Variants in FBXO34 observed in about 807,000 individuals in gnomAD.
FBXO34 encodes F-box protein 34, also known as F-box only protein 34.
In FBXO34, 12 loss-of-function variants were observed where a neutral mutation model predicts 24.5. The ratio of observed to expected loss-of-function variants is 0.49; its 90% CI spans 0.31 to 0.79. The LOEUF is 0.79. FBXO34 is among the 30% of genes least tolerant of loss of function. The probability of loss-of-function intolerance (pLI) is 0.04; values close to 1 mark genes in which losing one functional copy is unlikely to be tolerated. For synonymous variants in FBXO34, 320 were observed against 311.9 expected (o/e 1.03, Z -0.27); for missense variants, 823 against 857.7 (o/e 0.96, Z 0.51).
chr14:55,372,226 T>C (rs1884836164), downstream of FBXO34, among the ~76,000 whole-genome samples: 1 of 152,106 alleles, frequency 6.6e-6, no homozygotes, highest in Non-Finnish European at 1.5e-5. Flanking sequence ...CCTGTTATCA[T>C]TAAATAAGCC....
At chr14:55,433,679 T>C in the FBXO34 span, 34 of 1,614,118 alleles carry the variant, frequency 2.1e-5, no homozygotes, top group Non-Finnish European at 2.9e-5. Flanking sequence ...ATAAGGGCTG[T>C]TGTCCTGGGC....
intron 1 of FBXO34, among the ~76,000 whole-genome samples, chr14:55,273,838 C>T (rs1232410228): frequency 6.6e-6 from 1 of 152,200 alleles, no homozygotes; most frequent in African/African-American, 2.4e-5. Context: ...CAGAGCCTCG[C>T]TCTGTCACCC....
the FBXO34 span, among the ~76,000 whole-genome samples, chr14:55,397,038 A>G: frequency 6.6e-6 from 1 of 152,208 alleles, no homozygotes; most frequent in Non-Finnish European, 1.5e-5. Flanking sequence ...GGTAAATGGA[A>G]GCAGTAATGT....
Position 55,331,785 on chromosome 14 carries a change from A to G in FBXO34, c.-10-18596A>G, listed in dbSNP as rs192496490. ...TGTATATATATATATATATACCACC[A>G]TGGTGTATATATAAATATATATATA... On this transcript the variant is annotated intron_variant, in intron 1 of 1. Coordinates refer to ENST00000313833, the MANE Select transcript of FBXO34 (RefSeq NM_017943.4). 1.2e-3 allele frequency among the ~76,000 whole-genome samples: 80 copies of G among 68,154 alleles called. 9 individuals carry two copies. The highest frequency in any genetic ancestry group is 2.6e-3 in the African/African-American group (35 of 13,526). The allele number at this position is 68,154 out of a possible 152,430, so 44.7% of individuals were successfully genotyped here.
chr14:55,298,894 T>C (rs1420522502), intron 1 of FBXO34: 1 of 1,596,340 alleles, frequency 6.3e-7, no homozygotes, highest in South Asian at 1.1e-5. Flanking sequence ...CAGCAGGCCC[T>C]GGAGAATGCC....
At chr14:55,394,038 GCT>G in the FBXO34 span, among the ~76,000 whole-genome samples, 2 of 136,574 alleles carry the variant, frequency 1.5e-5, no homozygotes, top group Non-Finnish European at 3.1e-5. Context: ...ATGGAGTGTT[GCT>G]CTGTCGCCCA....
intron 1 of FBXO34, among the ~76,000 whole-genome samples, chr14:55,343,358 C>T (rs991421978): frequency 6.6e-6 from 1 of 151,034 alleles, no homozygotes; most frequent in African/African-American, 2.4e-5. Context: ...TTCAGCAATT[C>T]TCCTGCCTTA....
At chr14:55,330,462 C>A (rs937152440) in intron 1 of FBXO34, among the ~76,000 whole-genome samples, 1 of 152,010 alleles carries the variant, frequency 6.6e-6, no homozygotes, top group Non-Finnish European at 1.5e-5. Context: ...GTTCTATGAT[C>A]TGCATGACTG....
rs1883572614 is a variant in FBXO34, at chr14:55,331,741, GTGTGTATATATATATATA to G, written c.-10-18636_-10-18619del. On this transcript the variant is annotated intron_variant, in intron 1 of 1. Transcript: ENST00000313833. Reference sequence around the variant, plus strand: ...TGTATATATATATGTATATATATATGTGTGTATATATATATATATGTATATATATATATATATACCACC... The same window carrying G: ...TGTATATATATATGTATATATATATGTGTATATATATATATATATACCACC... Among the ~76,000 whole-genome samples, 3 of 38,432 alleles carry G rather than the reference GTGTGTATATATATATATA, an allele frequency of 7.8e-5. 1 individual carries two copies. The African/African-American group carries it at 1.1e-3, about 14-fold the overall frequency. The allele number at this position is 38,432 out of a possible 152,430, so 25.2% of individuals were successfully genotyped here. A position where few individuals can be genotyped will look rare whatever the true frequency, so the allele number is the denominator to read the frequency against.
At chr14:55,390,900 G>C in the FBXO34 span, 2 of 1,554,674 alleles carry the variant, frequency 1.3e-6, no homozygotes, top group Non-Finnish European at 8.8e-7. Flanking sequence ...GGAAGGACAC[G>C]AATTACTTAC....
At chr14:55,308,707 A>T (rs906738873) in intron 1 of FBXO34, among the ~76,000 whole-genome samples, 1 of 152,250 alleles carries the variant, frequency 6.6e-6, no homozygotes, top group South Asian at 2.1e-4. Flanking sequence ...CTAGGCAAGC[A>T]ATATCATCAA....
chr14:55,382,869 T>C, the FBXO34 span, among the ~76,000 whole-genome samples: 4 of 152,182 alleles, frequency 2.6e-5, no homozygotes, highest in Non-Finnish European at 5.9e-5. Context: ...AGATTACTGA[T>C]ACTGAATTAG....
chr14:55,404,716 T>C, the FBXO34 span, among the ~76,000 whole-genome samples: 247 of 152,272 alleles, frequency 1.6e-3, no homozygotes, highest in African/African-American at 5.4e-3. Flanking sequence ...CTAGAGCACA[T>C]ATGACCTTCC....
intron 1 of FBXO34, among the ~76,000 whole-genome samples, chr14:55,288,498 C>T (rs906466679): frequency 2.6e-5 from 4 of 152,130 alleles, no homozygotes; most frequent in Non-Finnish European, 4.4e-5. Context: ...TTTATATTCA[C>T]ATATTTTAAA....
chr14:55,280,389 T>A (rs375653857), intron 1 of FBXO34, among the ~76,000 whole-genome samples: 1 of 152,198 alleles, frequency 6.6e-6, no homozygotes, highest in Admixed American at 6.5e-5. Flanking sequence ...ATTTTTTTCT[T>A]GTCATGACAG....
chr14:55,413,827 C>T, the FBXO34 span: 18 of 386,812 alleles, frequency 4.7e-5, no homozygotes, highest in South Asian at 3.2e-4. Context: ...AAAAATCTTG[C>T]CCTTGTTTAC....
intron 1 of FBXO34, among the ~76,000 whole-genome samples, chr14:55,295,409 T>G (rs1201268871): frequency 8.2e-6 from 1 of 122,480 alleles, no homozygotes; most frequent in Admixed American, 8.0e-5. Context: ...TTTTTTTTTT[T>G]TGGAGACAGA....
intron 1 of FBXO34, among the ~76,000 whole-genome samples, chr14:55,303,937 T>C (rs947343458): frequency 2.0e-5 from 3 of 152,212 alleles, no homozygotes; most frequent in East Asian, 1.9e-4. Flanking sequence ...CTGGGACTGA[T>C]GTAAAGAATG....
chr14:55,435,187 G>A, the FBXO34 span, among the ~76,000 whole-genome samples: 1 of 152,142 alleles, frequency 6.6e-6, no homozygotes, highest in Non-Finnish European at 1.5e-5. Flanking sequence ...AGATACATAA[G>A]TGTCAGGTAG....
Sources: allele counts gnomAD v4.1 joint callset (sites outside exome capture counted in the v4.1 genomes callset), GRCh38; gene constraint gnomAD v4.1.1; transcripts MANE v1.5; gene names NCBI Gene and HGNC (gene_info 2026-07-23, HGNC 2026-07-21).